RANBP17: variants seen among roughly 807,000 people sequenced by gnomAD.
RANBP17 encodes the protein ran-binding protein 17.
A neutral mutation model predicts 141.2 loss-of-function variants in RANBP17; 158 were observed. That is an observed-to-expected ratio of 1.12 (90% CI 0.98 to 1.28). The LOEUF (loss-of-function observed/expected upper bound fraction) is 1.28, where lower values mean the gene tolerates loss of function less well. Among genes scored for constraint, RANBP17 ranks in the 50% most tolerant of loss-of-function variants. RANBP17 has a pLI of 0.00. For synonymous variants in RANBP17, 430 were observed against 450.0 expected, an observed-to-expected ratio of 0.96 and a Z score of 0.56; for missense variants, 1,438 against 1,290.7, an observed-to-expected ratio of 1.11 and a Z score of -1.75.
At chr5:171,127,988 C>G (rs1756617862) in intron 14 of RANBP17, among the ~76,000 whole-genome samples, 1 of 152,142 alleles carries the variant, frequency 6.6e-6, no homozygotes, top group Non-Finnish European at 1.5e-5. Context: ...GAAACCCCGT[C>G]TCTACTAAAA....
chr5:171,183,714 A>G (rs182100520), intron 18 of RANBP17, among the ~76,000 whole-genome samples: 2 of 152,364 alleles, frequency 1.3e-5, no homozygotes, highest in East Asian at 3.9e-4. Flanking sequence ...TTTTACTGCT[A>G]TGAATCTAGG....
chr5:170,917,446 T>C (rs79110612), intron 9 of RANBP17, among the ~76,000 whole-genome samples: 4,603 of 152,274 alleles, frequency 0.03, 231 homozygotes, highest in African/African-American at 0.1. Flanking sequence ...TTTTACTTTT[T>C]ATTTTGATTT....
chr5:171,028,816 A>G, intron 14 of RANBP17: 1 of 845,502 alleles, frequency 1.2e-6, no homozygotes, highest in Non-Finnish European at 1.7e-6. Flanking sequence ...CTAAGAAAGG[A>G]GAATTCATCC....
intron 14 of RANBP17, among the ~76,000 whole-genome samples, chr5:171,139,964 T>G (rs768827675): frequency 5.3e-5 from 8 of 152,220 alleles, no homozygotes; most frequent in Non-Finnish European, 1.2e-4. Context: ...CCCACTGGTC[T>G]TCTTTAAGAC....
At chr5:171,009,862 G>A (rs995633352) in intron 14 of RANBP17, among the ~76,000 whole-genome samples, 1 of 152,146 alleles carries the variant, frequency 6.6e-6, no homozygotes, top group Non-Finnish European at 1.5e-5. Context: ...ATCAAAAGTA[G>A]GTAGGAATTG....
At chr5:171,164,038 G>A (rs1446988012) in intron 14 of RANBP17, among the ~76,000 whole-genome samples, 1 of 152,044 alleles carries the variant, frequency 6.6e-6, no homozygotes, top group Non-Finnish European at 1.5e-5. Context: ...AAAACCTATA[G>A]AACCAGTGTT....
At chr5:170,981,128 C>T (rs919195024) in intron 14 of RANBP17, among the ~76,000 whole-genome samples, 1 of 152,150 alleles carries the variant, frequency 6.6e-6, no homozygotes, top group African/African-American at 2.4e-5. Flanking sequence ...CAATGTCTCC[C>T]ATTTGGAATG....
At chr5:171,208,497 G>A (rs140352974) in intron 20 of RANBP17, among the ~76,000 whole-genome samples, 78 of 152,278 alleles carry the variant, frequency 5.1e-4, no homozygotes, top group Admixed American at 1.4e-3. Context: ...TTAAACTGAA[G>A]TATCAAAAAT....
intron 14 of RANBP17, among the ~76,000 whole-genome samples, chr5:171,009,976 T>G (rs996741517): frequency 1.3e-5 from 2 of 152,092 alleles, no homozygotes; most frequent in African/African-American, 4.8e-5. Context: ...TATATGGGAA[T>G]ACAGCTCAAG....
intron 3 of RANBP17, among the ~76,000 whole-genome samples, chr5:170,887,616 G>A (rs1470413663): frequency 1.3e-5 from 2 of 152,176 alleles, no homozygotes; most frequent in African/African-American, 4.8e-5. Flanking sequence ...TCAATTGACT[G>A]TATTTATATG....
At chr5:171,043,643 A>T (rs370491579) in intron 14 of RANBP17, among the ~76,000 whole-genome samples, 19 of 152,310 alleles carry the variant, frequency 1.2e-4, no homozygotes, top group African/African-American at 4.6e-4. Flanking sequence ...ATTGACACTG[A>T]TAATTAGATG....
intron 11 of RANBP17, among the ~76,000 whole-genome samples, chr5:170,923,829 A>G (rs746005271): frequency 2.0e-5 from 3 of 152,100 alleles, no homozygotes; most frequent in Non-Finnish European, 4.4e-5. Flanking sequence ...GTCATTTTGT[A>G]TATTGACCTC....
intron 14 of RANBP17, among the ~76,000 whole-genome samples, chr5:171,083,921 A>C (rs901086858): frequency 6.6e-6 from 1 of 151,174 alleles, no homozygotes; most frequent in African/African-American, 2.4e-5. Context: ...AAGTCCAATA[A>C]ACCTCATTCT....
chr5:171,089,213 C>G (rs1419929259), intron 14 of RANBP17, among the ~76,000 whole-genome samples: 1 of 131,826 alleles, frequency 7.6e-6, no homozygotes, highest in Non-Finnish European at 1.7e-5. Context: ...TTGGAATACC[C>G]TGCAGTGTGA....
intron 14 of RANBP17, among the ~76,000 whole-genome samples, chr5:170,998,337 C>T (rs559816418): frequency 6.6e-6 from 1 of 152,184 alleles, no homozygotes; most frequent in South Asian, 2.1e-4. Flanking sequence ...ACACTCAGGT[C>T]ACTTTGGCAT....
chr5:170,984,702 A>T (rs1236443697), intron 14 of RANBP17, among the ~76,000 whole-genome samples: 1 of 152,144 alleles, frequency 6.6e-6, no homozygotes, highest in African/African-American at 2.4e-5. Context: ...TTAGGGTATA[A>T]TTTAAAACGT....
At position 171,198,902 on chromosome 5, in the gene RANBP17, ATC is replaced by A. The variant is rs1762134095; in HGVS notation, c.2039-763_2039-762del. ...GACTTAGGATGAATGAGTGAATTCAATCTCTCATTTAAAAGAAACCCCTTTTG... is the reference window on the plus strand; with the variant it reads ...GACTTAGGATGAATGAGTGAATTCAATCTCATTTAAAAGAAACCCCTTTTG... On this transcript the variant is annotated intron_variant, in intron 18 of 27. Transcript: ENST00000523189. 2.6e-5 allele frequency among the ~76,000 whole-genome samples: 4 copies of A among 152,312 alleles called. No homozygotes were observed. The South Asian group carries it at 8.3e-4, about 32-fold the overall frequency.
chr5:171,060,322 A>T (rs1783723091), intron 14 of RANBP17, among the ~76,000 whole-genome samples: 1 of 149,318 alleles, frequency 6.7e-6, no homozygotes, highest in Non-Finnish European at 1.5e-5. Flanking sequence ...AGCTCTTATT[A>T]TTTTGAGATA....
At chr5:171,189,011 G>A (rs940151493) in intron 18 of RANBP17, among the ~76,000 whole-genome samples, 1 of 152,082 alleles carries the variant, frequency 6.6e-6, no homozygotes, top group African/African-American at 2.4e-5. Flanking sequence ...CTATTCCTTT[G>A]AAATACTTAA....
Sources: gnomAD v4.1 joint callset for allele counts (sites outside exome capture counted in the v4.1 genomes callset) on GRCh38, gnomAD v4.1.1 for gene constraint, MANE v1.5 for transcripts, NCBI Gene and HGNC (gene_info 2026-07-23, HGNC 2026-07-21) for gene names.